The following MORN1 variants were observed in gnomAD, a reference collection of about 807,000 sequenced individuals.
MORN1 encodes MORN repeat containing 1.
Under a neutral mutation model 61.9 loss-of-function variants are expected in MORN1, and 67 were observed. The observed-to-expected ratio is 1.08, with a 90% CI of 0.89 to 1.33. The LOEUF is 1.33. MORN1 is among the 40% of genes most tolerant of loss of function. MORN1 has a pLI of 0.00. For synonymous variants in MORN1, 301 were observed against 292.0 expected, an observed-to-expected ratio of 1.03 and a Z score of -0.31; for missense variants, 752 against 691.2, an observed-to-expected ratio of 1.09 and a Z score of -0.99.
chr1:2,352,184 C>T (rs1641664885), intron 10 of MORN1: 2 of 236,870 alleles, frequency 8.4e-6, no homozygotes, highest in Middle Eastern at 3.0e-3. Context: ...ATGTATAGAG[C>T]AATTAAAAAA....
In MORN1 at chr1:2,387,407, T is replaced by C. The variant is rs752972950; in HGVS notation, c.358+12A>G. ...CCACCCTCACAGCACCCGGCTCCTG[T>C]GGGCGCCAGACCTTCCCGCATGCCG... On this transcript the variant is annotated intron_variant, in intron 4 of 13. Transcript: ENST00000378531. 6 of 1,603,890 alleles carry C rather than the reference T, an allele frequency of 3.7e-6. No individual in the cohort carries two copies. In the East Asian group the frequency reaches 1.1e-4, roughly 30 times the overall value.
At chr1:2,383,439 G>A (rs1209975674) in intron 6 of MORN1, among the ~76,000 whole-genome samples, 2 of 152,212 alleles carry the variant, frequency 1.3e-5, no homozygotes, top group Non-Finnish European at 2.9e-5. Flanking sequence ...TGAGTCTCAG[G>A]AGGGTGCTGG....
rs1399660484 is a variant in MORN1 at position 2,357,960 on chromosome 1, G to A, written c.870-362C>T. Among the ~76,000 whole-genome samples the A allele has an allele frequency of 6.6e-6, 1 of 152,200 alleles. No homozygotes were observed. The highest frequency in any genetic ancestry group is 1.5e-5 in the Non-Finnish European group (1 of 68,044). On this transcript the variant is annotated intron_variant, in intron 9 of 13. Transcript: ENST00000378531. The surrounding 1 kb of genome is among the most constrained non-coding windows in gnomAD (Gnocchi z 6.3). ...CTCAGGAGAAGGGCCGGTGGGAAAA[G>A]GGAGTGTGAGAGCTGTGGCGTCACA...
At position 2,339,992 on chromosome 1, in the gene MORN1, G is replaced by A. The variant is rs557301928; in HGVS notation, c.1037-3142C>T. Among the ~76,000 whole-genome samples the A allele has an allele frequency of 3.9e-5, 6 of 152,374 alleles. No individual in the cohort carries two copies. The East Asian group carries it at 9.6e-4, about 25-fold the overall frequency. On this transcript the variant is annotated intron_variant, in intron 10 of 13. Coordinates refer to ENST00000378531, the MANE Select transcript of MORN1 (RefSeq NM_024848.3). ...GGCGCCTCCGCCGCGCGGCTTCTCC[G>A]TGTTTGCTGAAGACGCAGGTTTTCC...
intron 6 of MORN1, among the ~76,000 whole-genome samples, 188 bp downstream of exon 6, chr1:2,384,790 T>C (rs1642451836): frequency 1.3e-5 from 2 of 152,214 alleles, no homozygotes; most frequent in Admixed American, 1.3e-4. Flanking sequence ...TACACTCCTG[T>C]TTTTCTCTTT....
chr1:2,336,664 A>C, intron 11 of MORN1, 53 bp downstream of exon 11: 1 of 1,561,824 alleles, frequency 6.4e-7, no homozygotes. Flanking sequence ...GTGGGTGGGC[A>C]GGGATAGTCT....
chr1:2,376,955 GCA>G (rs1642252732), intron 6 of MORN1: 2 of 152,172 alleles, frequency 1.3e-5, no homozygotes, highest in Non-Finnish European at 2.9e-5. Flanking sequence ...CCTGCTGACG[GCA>G]CAGACTGGGA....
chr1:2,373,546 G>C (rs1642168007), intron 7 of MORN1, among the ~76,000 whole-genome samples: 1 of 152,172 alleles, frequency 6.6e-6, no homozygotes, highest in South Asian at 2.1e-4. Context: ...AGGTCACCAA[G>C]ACACTCCTGG....
intron 12 of MORN1, among the ~76,000 whole-genome samples, chr1:2,327,082 A>G (rs906630935): frequency 1.3e-5 from 2 of 152,038 alleles, no homozygotes; most frequent in South Asian, 4.1e-4. Context: ...AGAAACAAAC[A>G]CAGAGACACA....
chr1:2,338,765 A>G (rs982578765), intron 10 of MORN1, among the ~76,000 whole-genome samples: 1 of 152,170 alleles, frequency 6.6e-6, no homozygotes, highest in African/African-American at 2.4e-5. Flanking sequence ...GGGGGTTCTG[A>G]CCAAGCTGTT....
chr1:2,324,107 T>C lies in MORN1; in HGVS notation c.1287A>G (p.Ala429=). ...EGRATEEQAA[A]AHLGEYVLMI... ...GCCCTGTCCACCTACCTAGGTGTGC[T>C]GCCGCAGCCTGCTCCTCCGTGGCTC... Residue 429 remains alanine (A), a synonymous_variant, in exon 13 of 14, where the codon GCA becomes GCG. Coordinates refer to ENST00000378531, the MANE Select transcript of MORN1 (RefSeq NM_024848.3). The C allele has an allele frequency of 6.2e-7, 1 of 1,600,170 alleles. No homozygotes were observed. The highest frequency in any genetic ancestry group is 8.5e-7 in the Non-Finnish European group (1 of 1,174,920).
At chr1:2,327,925 T>C (rs960981223) in intron 12 of MORN1, among the ~76,000 whole-genome samples, 6 of 152,220 alleles carry the variant, frequency 3.9e-5, no homozygotes, top group African/African-American at 1.2e-4. Context: ...TTACTGCATC[T>C]TCCCAGGCCA....
chr1:2,379,351 G>T (rs181560115), intron 6 of MORN1: 3 of 358,472 alleles, frequency 8.4e-6, no homozygotes, highest in Admixed American at 4.0e-5. Flanking sequence ...AAAAATAAAC[G>T]AACAGCCGGC....
intron 10 of MORN1, among the ~76,000 whole-genome samples, chr1:2,354,225 C>T (rs558421579): frequency 3.3e-5 from 5 of 152,252 alleles, no homozygotes; most frequent in South Asian, 2.1e-4. Context: ...CCCTGCCGAC[C>T]GTGCTCTGGG....
intron 6 of MORN1, chr1:2,378,834 C>A: frequency 2.3e-6 from 1 of 433,960 alleles, no homozygotes; most frequent in Non-Finnish European, 4.6e-6. Context: ...ACGGAGATGG[C>A]TGAGGCGTCA....
At chr1:2,353,486 G>A (rs1206815663) in intron 10 of MORN1, among the ~76,000 whole-genome samples, 1 of 152,272 alleles carries the variant, frequency 6.6e-6, no homozygotes, top group Non-Finnish European at 1.5e-5. Context: ...CGACCTCGGG[G>A]TGATGCTGGT....
chr1:2,355,510 C>T (rs1478282489), intron 10 of MORN1: 5 of 1,547,554 alleles, frequency 3.2e-6, no homozygotes, highest in Non-Finnish European at 4.4e-6. Context: ...GGGCTTCTAG[C>T]CACCAGCTGG....
At chr1:2,391,012 C>T (rs1642643654) in intron 1 of MORN1, among the ~76,000 whole-genome samples, 1 of 152,194 alleles carries the variant, frequency 6.6e-6, no homozygotes, top group Admixed American at 6.5e-5. Flanking sequence ...TCCCAAAGTG[C>T]TGGAAGTACA....
At chr1:2,350,000 G>A (rs1189191552) in intron 10 of MORN1, among the ~76,000 whole-genome samples, 2 of 152,204 alleles carry the variant, frequency 1.3e-5, no homozygotes, top group Non-Finnish European at 2.9e-5. Context: ...GGCCCAGCCG[G>A]CCTGACAATG....
Sources: allele counts gnomAD v4.1 joint callset (sites outside exome capture counted in the v4.1 genomes callset), GRCh38; gene constraint gnomAD v4.1.1; non-coding constraint Gnocchi (gnomAD v3.1); transcripts MANE v1.5; gene names NCBI Gene and HGNC (gene_info 2026-07-23, HGNC 2026-07-21).